The following RAE1 variants were observed in gnomAD, a reference collection of about 807,000 sequenced individuals.
RAE1 encodes ribonucleic acid export 1.
A neutral mutation model predicts 52.7 loss-of-function variants in RAE1; 13 were observed. That is an observed-to-expected ratio of 0.25 (90% confidence interval 0.16 to 0.39). The LOEUF is 0.39. RAE1 is among the 10% of genes least tolerant of loss of function. RAE1 has a pLI of 1.00. For synonymous variants in RAE1, 164 were observed against 153.1 expected (o/e 1.07, Z -0.52); for missense variants, 262 against 459.8 (o/e 0.57, Z 3.93).
intron 11 of RAE1, chr20:57,375,005 A>T (rs1479270443): frequency 1.4e-6 from 1 of 720,860 alleles, no homozygotes; most frequent in Non-Finnish European, 2.5e-6. Context: ...AGAACCCAGC[A>T]CACAGGAAGT....
chr20:57,377,260 G>T (rs1175257061), intron 11 of RAE1, among the ~76,000 whole-genome samples: 3 of 152,200 alleles, frequency 2.0e-5, no homozygotes, highest in Non-Finnish European at 4.4e-5. Context: ...CCCTCTTCCA[G>T]TCCTTTGGCC....
At chr20:57,374,887 C>T in intron 11 of RAE1, 86 bp downstream of exon 11, 1 of 1,442,730 alleles carries the variant, frequency 6.9e-7, no homozygotes, top group Non-Finnish European at 9.7e-7. Flanking sequence ...AGTTGTGACT[C>T]TTCTCAGGAC....
intron 4 of RAE1, among the ~76,000 whole-genome samples, chr20:57,364,651 A>G (rs536335691): frequency 6.6e-6 from 1 of 152,334 alleles, no homozygotes; most frequent in Admixed American, 6.5e-5. Context: ...ATAAAGTTTT[A>G]TTGAAATGCA....
At chr20:57,373,396 TAA>T in intron 8 of RAE1, 77 bp from the exon 9 acceptor site, 1 of 1,395,342 alleles carries the variant, frequency 7.2e-7, no homozygotes, top group Non-Finnish European at 1.0e-6. Context: ...AAACATGGGG[TAA>T]AAATGACTTA....
In RAE1 at chr20:57,368,619, G is replaced by A. The variant is rs1445600388; in HGVS notation, c.535-86G>A. ...ATTATTAAAATCCAGACTTAATGTT[G>A]TAACCAAAAATTGATCAAATACATT... On this transcript the variant is annotated intron_variant, in intron 7 of 11. Transcript: ENST00000395841. 3 of 864,224 alleles carry A rather than the reference G, an allele frequency of 3.5e-6. No individual in the cohort carries two copies. The South Asian group carries it at 4.9e-5, about 14-fold the overall frequency. 53.5% of individuals were successfully genotyped at this position (864,224 alleles called of 1,614,324 possible).
chr20:57,368,839 A>G lies in RAE1; in HGVS notation c.642+27A>G, dbSNP rs892128444. ...TGCGTCATTAGTCAAATCAAGAAGT[A>G]TGTATTTAGCACCTGTTGTATGCAA... is the stretch of plus-strand genomic sequence containing the variant. On this transcript the variant is annotated intron_variant, in intron 8 of 11. Coordinates refer to ENST00000395841, the MANE Select transcript of RAE1 (RefSeq NM_003610.4). 7 of 1,556,140 alleles carry G rather than the reference A, an allele frequency of 4.5e-6. No individual in the cohort carries two copies. The African/African-American group carries it at 9.5e-5, about 21-fold the overall frequency.
chr20:57,354,154 T>C (rs1337971677), intron 2 of RAE1, 26 bp downstream of exon 2: 1 of 1,596,296 alleles, frequency 6.3e-7, no homozygotes, highest in Non-Finnish European at 8.6e-7. Context: ...TCCTGGGGCT[T>C]GTAGGAAGAG....
At position 57,356,538 on chromosome 20, in the gene RAE1, C is replaced by T. The variant is rs1138386; in HGVS notation, c.288C>T (p.Asp96=). ...TGPVLDVCWS[D]DGSKVFTASC... ...CTGTGCTTGATGTCTGCTGGAGTGA[C>T]GTACGTTCCCTTCCATTTCTCGTGT... The change falls in exon 4 of 12, where the codon GAC becomes GAT. Residue 96 remains aspartate (D), a splice_region_variant and synonymous_variant. Coordinates refer to ENST00000395841, the MANE Select transcript of RAE1 (RefSeq NM_003610.4). The T allele has an allele frequency of 0.016, 25,826 of 1,606,136 alleles. 276 individuals carry two copies. The highest frequency in any genetic ancestry group is 0.033 in the Middle Eastern group (200 of 6,032).
At chr20:57,376,337 A>C (rs1355428884) in intron 11 of RAE1, among the ~76,000 whole-genome samples, 1 of 152,240 alleles carries the variant, frequency 6.6e-6, no homozygotes, top group Non-Finnish European at 1.5e-5. Context: ...AATACCCATG[A>C]AACTATCACC....
At chr20:57,375,061 A>C (rs1431616442) in intron 11 of RAE1, 2 of 700,072 alleles carry the variant, frequency 2.9e-6, no homozygotes, top group East Asian at 5.4e-5. Context: ...TCCTGGGCAC[A>C]GAAGCACAGG....
chr20:57,368,470 G>A (rs1163963199), intron 7 of RAE1, among the ~76,000 whole-genome samples: 2 of 152,144 alleles, frequency 1.3e-5, no homozygotes, highest in African/African-American at 4.8e-5. Flanking sequence ...CTTAGTTCCT[G>A]AGTATATTTT....
At chr20:57,367,812 T>C (rs909183471) in intron 7 of RAE1, among the ~76,000 whole-genome samples, 4 of 152,132 alleles carry the variant, frequency 2.6e-5, no homozygotes, top group Non-Finnish European at 5.9e-5. Context: ...CTTAAAGTTT[T>C]GTACCAACAA....
intron 2 of RAE1, among the ~76,000 whole-genome samples, chr20:57,354,370 G>A (rs2146126440): frequency 6.6e-6 from 1 of 152,328 alleles, no homozygotes; most frequent in South Asian, 2.1e-4. Flanking sequence ...GATTCCCAGG[G>A]CCTGGCCCAG....
At chr20:57,364,881 A>T (rs1453605939) in intron 4 of RAE1, among the ~76,000 whole-genome samples, 1 of 152,218 alleles carries the variant, frequency 6.6e-6, no homozygotes, top group Non-Finnish European at 1.5e-5. Context: ...GAATAAAAGT[A>T]ATTAAGATTA....
intron 4 of RAE1, among the ~76,000 whole-genome samples, chr20:57,363,402 A>G (rs1406456676): frequency 6.6e-6 from 1 of 152,192 alleles, no homozygotes; most frequent in East Asian, 1.9e-4. Flanking sequence ...AGTCCCAGCT[A>G]CTTGGGAGAC....
At chr20:57,368,871 G>T in intron 8 of RAE1, 59 bp downstream of exon 8, 1 of 1,355,984 alleles carries the variant, frequency 7.4e-7, no homozygotes, top group Non-Finnish European at 1.0e-6. Flanking sequence ...GCAAGATTGT[G>T]CTCACATCTG....
intron 4 of RAE1, chr20:57,358,766 T>G (rs1345137172): frequency 2.5e-5 from 10 of 393,948 alleles, no homozygotes; most frequent in Non-Finnish European, 4.0e-5. Context: ...TTACTCCGTT[T>G]ATCAAATTAT....
At chr20:57,360,533 A>C (rs2066876968) in intron 4 of RAE1, among the ~76,000 whole-genome samples, 1 of 152,202 alleles carries the variant, frequency 6.6e-6, no homozygotes, top group Non-Finnish European at 1.5e-5. Context: ...ACTCTGGCGA[A>C]TGGTTTTGTT....
At chr20:57,373,270 CAG>C (rs1027557468) in intron 8 of RAE1, 40 of 585,004 alleles carry the variant, frequency 6.8e-5, no homozygotes, top group African/African-American at 6.4e-4. Context: ...GGGAGGAGCA[CAG>C]GGTGTGCAGT....
Sources: allele counts gnomAD v4.1 joint callset (sites outside exome capture counted in the v4.1 genomes callset), GRCh38; gene constraint gnomAD v4.1.1; transcripts MANE v1.5; gene names NCBI Gene and HGNC (gene_info 2026-07-23, HGNC 2026-07-21).